TNR: variants seen among roughly 807,000 people sequenced by gnomAD.
TNR encodes tenascin R, also known as tenascin-R.
In TNR, 45 loss-of-function variants were observed where a neutral mutation model predicts 150.4. That is an observed-to-expected ratio of 0.30 (90% CI 0.24 to 0.38). The LOEUF (loss-of-function observed/expected upper bound fraction) is 0.38. Ranked by LOEUF, TNR falls within the 10% of genes least tolerant of loss-of-function variation. The pLI is 1.00. For synonymous variants in TNR, 687 were observed against 678.4 expected, an observed-to-expected ratio of 1.01 and a Z score of -0.20; for missense variants, 1,544 against 1,759.1, an observed-to-expected ratio of 0.88 and a Z score of 2.19.
At chr1:175,362,167 T>C (rs1651625161) in intron 14 of TNR, among the ~76,000 whole-genome samples, 2 of 152,066 alleles carry the variant, frequency 1.3e-5, no homozygotes, top group Admixed American at 6.5e-5. Context: ...TGGTCCCGGG[T>C]GAGGGAGTTA....
chr1:175,335,749 C>T lies in TNR; in HGVS notation c.3593G>A (p.Arg1198His), dbSNP rs368661657. The T allele has an allele frequency of 2.3e-5, 37 of 1,613,968 alleles. No homozygotes were observed. Among genetic ancestry groups the T allele is most frequent in the East Asian group, 6.7e-5 (3 of 44,898 alleles). The part of the protein sequence containing the change: ...TDFFRKWADY[R>H]VGFGNVEDEF... ...ATCCTCCACGTTCCCGAAGCCAACACGGTAATCAGCCCATTTCCGGAAAAA... is the reference window on the plus strand; with the variant it reads ...ATCCTCCACGTTCCCGAAGCCAACATGGTAATCAGCCCATTTCCGGAAAAA... Residue 1198 changes from arginine (R) to histidine (H), a missense_variant, in exon 20 of 23, where the codon CGT (arginine) becomes CAT (histidine). Transcript: ENST00000367674.
chr1:175,352,932 T>C (rs1651125154), intron 18 of TNR, among the ~76,000 whole-genome samples: 1 of 152,138 alleles, frequency 6.6e-6, no homozygotes, highest in Non-Finnish European at 1.5e-5. Context: ...GGACTTTCTC[T>C]CACCTCTCTG....
chr1:175,356,941 G>C (rs1319541571), intron 15 of TNR, among the ~76,000 whole-genome samples: 1 of 152,206 alleles, frequency 6.6e-6, no homozygotes. Flanking sequence ...GAATAATGGA[G>C]AGGTACTGAC....
chr1:175,546,204 A>C (rs1271317770), intron 1 of TNR, among the ~76,000 whole-genome samples: 1 of 152,230 alleles, frequency 6.6e-6, no homozygotes, highest in Non-Finnish European at 1.5e-5. Context: ...ACTTGTGCTC[A>C]TGATGTGCCC....
chr1:175,531,497 T>C (rs1660062949), intron 1 of TNR, among the ~76,000 whole-genome samples: 1 of 152,128 alleles, frequency 6.6e-6, no homozygotes, highest in Admixed American at 6.5e-5. Context: ...CTTAGACAAA[T>C]ATGGGGTACA....
intron 1 of TNR, among the ~76,000 whole-genome samples, chr1:175,604,312 C>T (rs957670852): frequency 1.3e-5 from 2 of 152,164 alleles, no homozygotes; most frequent in African/African-American, 4.8e-5. Flanking sequence ...TTCAGCACTT[C>T]TTGACTCTCA....
chr1:175,473,637 G>A (rs1657394358), intron 2 of TNR, among the ~76,000 whole-genome samples: 1 of 152,194 alleles, frequency 6.6e-6, no homozygotes, highest in African/African-American at 2.4e-5. Context: ...GGATTTGGGT[G>A]GCTCCTGCCC....
intron 2 of TNR, among the ~76,000 whole-genome samples, chr1:175,498,686 T>C (rs1158929061): frequency 6.6e-6 from 1 of 152,174 alleles, no homozygotes; most frequent in Non-Finnish European, 1.5e-5. Context: ...AATATGGTAT[T>C]GGAGAAAACC....
intron 12 of TNR, 35 bp downstream of exon 12, chr1:175,364,975 C>A: frequency 6.4e-7 from 1 of 1,569,364 alleles, no homozygotes. Flanking sequence ...GTGAAAACCC[C>A]TTTCATCACC....
chr1:175,496,947 C>G (rs1342694808), intron 2 of TNR, among the ~76,000 whole-genome samples: 1 of 152,218 alleles, frequency 6.6e-6, no homozygotes, highest in Admixed American at 6.5e-5. Context: ...AGCTGCAGCT[C>G]TCTGCTGCCT....
intron 18 of TNR, among the ~76,000 whole-genome samples, chr1:175,343,019 G>A (rs1466386732): frequency 6.6e-6 from 1 of 152,172 alleles, no homozygotes; most frequent in East Asian, 1.9e-4. Flanking sequence ...GGGTCCTGAT[G>A]ACACTTCCTA....
intron 1 of TNR, among the ~76,000 whole-genome samples, chr1:175,606,853 G>A (rs1257597218): frequency 6.6e-6 from 1 of 152,148 alleles, no homozygotes; most frequent in African/African-American, 2.4e-5. Flanking sequence ...AGCAACATGG[G>A]GTCAAGTCTG....
rs1021733097 is a variant in TNR at position 175,327,329 on chromosome 1, T to C, written c.3793+2745A>G. Among the ~76,000 whole-genome samples, 9 of 152,314 alleles carry C rather than the reference T, an allele frequency of 5.9e-5. No homozygotes were observed. In the South Asian group the frequency reaches 8.3e-4, roughly 14 times the overall value. On this transcript the variant is annotated intron_variant, in intron 21 of 22. Transcript: ENST00000367674. ...TTAACACATTAAGTCCTGGTTTCTG[T>C]CTCTCAAACCACTGTTCAGATTTAT...
In TNR at chr1:175,599,230, C is replaced by T. The variant is rs1042329402; in HGVS notation, c.-164-70861G>A. ...GCCAGATGGGAAGTGTCAGCTTGGCCTTGGCCACCTCGGGTCACCGCTCCT... is the reference window on the plus strand; with the variant it reads ...GCCAGATGGGAAGTGTCAGCTTGGCTTTGGCCACCTCGGGTCACCGCTCCT... On this transcript the variant is annotated intron_variant, in intron 1 of 22. Transcript: ENST00000367674. This position sits in a 1 kb window ranked among gnomAD's most constrained non-coding sequence, Gnocchi z 4.7. 5.9e-5 allele frequency among the ~76,000 whole-genome samples: 9 copies of T among 152,206 alleles called. No individual in the cohort carries two copies. Among genetic ancestry groups the T allele is most frequent in the African/African-American group, 2.2e-4 (9 of 41,448 alleles).
At position 175,361,649 on chromosome 1, in the gene TNR, T is replaced by A. The variant is rs74491422; in HGVS notation, c.2854+1014A>T. ...TAAGGAATTCTAAAGTATATTTCCC[T>A]CATTTGGGAAATACCATTCTCCAGT... is the stretch of plus-strand genomic sequence containing the variant. On this transcript the variant is annotated intron_variant, in intron 14 of 22. Coordinates refer to ENST00000367674, the MANE Select transcript of TNR (RefSeq NM_003285.3). Among the ~76,000 whole-genome samples, 1,232 of 152,298 alleles carry A rather than the reference T, an allele frequency of 8.1e-3. 20 individuals carry two copies. The highest frequency in any genetic ancestry group is 0.028 in the African/African-American group (1,162 of 41,554).
intron 21 of TNR, among the ~76,000 whole-genome samples, chr1:175,328,947 C>A (rs554024114): frequency 2.0e-5 from 3 of 152,292 alleles, no homozygotes; most frequent in Admixed American, 6.5e-5. Flanking sequence ...TGATTTAGTC[C>A]GGCATCTTGT....
chr1:175,422,674 T>A (rs890335032), intron 2 of TNR, among the ~76,000 whole-genome samples: 1 of 152,132 alleles, frequency 6.6e-6, no homozygotes, highest in African/African-American at 2.4e-5. Context: ...CTAACCCCAG[T>A]TTCTCTTGAT....
intron 1 of TNR, among the ~76,000 whole-genome samples, chr1:175,697,736 GA>G (rs937066415): frequency 2.0e-5 from 3 of 152,200 alleles, no homozygotes; most frequent in African/African-American, 4.8e-5. Flanking sequence ...GGCACAGGGG[GA>G]CTTGGCCCTG....
chr1:175,572,049 C>T (rs1420367285), intron 1 of TNR, among the ~76,000 whole-genome samples: 1 of 151,966 alleles, frequency 6.6e-6, no homozygotes, highest in Non-Finnish European at 1.5e-5. Context: ...TGAGAAGCAC[C>T]CTCACCCTCA....
Sources: gnomAD v4.1 joint callset for allele counts (sites outside exome capture counted in the v4.1 genomes callset) on GRCh38, gnomAD v4.1.1 for gene constraint, Gnocchi (gnomAD v3.1) non-coding constraint, MANE v1.5 for transcripts, NCBI Gene and HGNC (gene_info 2026-07-23, HGNC 2026-07-21) for gene names.